The following PDE6C variants were observed in gnomAD, a reference collection of about 807,000 sequenced individuals.
The protein encoded by PDE6C is phosphodiesterase 6C.
A neutral mutation model predicts 113.1 loss-of-function variants in PDE6C; 75 were observed. The ratio of observed to expected loss-of-function variants is 0.66; its 90% CI spans 0.55 to 0.80. The LOEUF is 0.80. Among genes scored for constraint, PDE6C ranks in the 30% least tolerant of loss-of-function variants. The probability of loss-of-function intolerance (pLI) is 0.00; values close to 1 mark genes in which losing one functional copy is unlikely to be tolerated. For synonymous variants in PDE6C, 375 were observed against 363.7 expected, an observed-to-expected ratio of 1.03 and a Z score of -0.35; for missense variants, 912 against 1,038.6, an observed-to-expected ratio of 0.88 and a Z score of 1.67.
intron 20 of PDE6C, among the ~76,000 whole-genome samples, 178 bp from the exon 21 acceptor site, chr10:93,662,850 T>C (rs2058672312): frequency 6.6e-6 from 1 of 152,132 alleles, no homozygotes; most frequent in Non-Finnish European, 1.5e-5. Context: ...GAACACTTCC[T>C]TAGGCAGGCA....
chr10:93,620,165 T>C (rs2058438422), intron 1 of PDE6C, among the ~76,000 whole-genome samples: 1 of 152,150 alleles, frequency 6.6e-6, no homozygotes, highest in Non-Finnish European at 1.5e-5. Flanking sequence ...GGGGCAATGA[T>C]AATTTTTGCT....
intron 11 of PDE6C, among the ~76,000 whole-genome samples, chr10:93,639,413 C>T (rs190409904): frequency 1.5e-4 from 23 of 152,300 alleles, no homozygotes; most frequent in Admixed American, 1.0e-3. Flanking sequence ...GTCTACTTGG[C>T]TATTTTTTCA....
intron 10 of PDE6C, among the ~76,000 whole-genome samples, chr10:93,636,037 T>C (rs1300861793): frequency 6.6e-6 from 1 of 152,208 alleles, no homozygotes; most frequent in Non-Finnish European, 1.5e-5. Flanking sequence ...AGGCTTTGAT[T>C]GACAGTGGCT....
intron 4 of PDE6C, among the ~76,000 whole-genome samples, chr10:93,623,523 A>G (rs1199764486): frequency 6.6e-6 from 1 of 152,136 alleles, no homozygotes; most frequent in Non-Finnish European, 1.5e-5. Context: ...TGCTGTATCT[A>G]TGAAGCCTCA....
At chr10:93,658,800 A>G (rs2058652705) in intron 16 of PDE6C, 101 bp from the exon 17 acceptor site, 4 of 752,880 alleles carry the variant, frequency 5.3e-6, no homozygotes, top group Non-Finnish European at 9.4e-6. Flanking sequence ...TGGACATCAC[A>G]ATGCAAAGTG....
chr10:93,630,918 G>C (rs1589696476), intron 8 of PDE6C, among the ~76,000 whole-genome samples: 1 of 152,300 alleles, frequency 6.6e-6, no homozygotes, highest in East Asian at 1.9e-4. Flanking sequence ...GCCCAGGCCT[G>C]ACCCCTATAT....
intron 3 of PDE6C, 143 bp from the exon 4 acceptor site, chr10:93,621,789 A>T: frequency 1.3e-6 from 1 of 743,134 alleles, no homozygotes; most frequent in Non-Finnish European, 2.3e-6. Context: ...TGTTGGATGT[A>T]CACATGTTCA....
chr10:93,618,437 A>G (rs1031865929), intron 1 of PDE6C, among the ~76,000 whole-genome samples: 3 of 152,154 alleles, frequency 2.0e-5, no homozygotes, highest in Non-Finnish European at 4.4e-5. Context: ...CAGCTAGTAC[A>G]CTGGGGCCCA....
intron 21 of PDE6C, among the ~76,000 whole-genome samples, chr10:93,664,408 G>A (rs1421641753): frequency 6.6e-6 from 1 of 152,202 alleles, no homozygotes; most frequent in Non-Finnish European, 1.5e-5. Flanking sequence ...GGAGTCTAGA[G>A]AGTAAAGAGT....
At chr10:93,623,933 T>C (rs970757037) in intron 4 of PDE6C, among the ~76,000 whole-genome samples, 1 of 152,120 alleles carries the variant, frequency 6.6e-6, no homozygotes, top group Admixed American at 6.5e-5. Context: ...ACCTACCTGA[T>C]TCTTGGCTTC....
intron 14 of PDE6C, among the ~76,000 whole-genome samples, chr10:93,644,597 G>A (rs1375195857): frequency 6.6e-6 from 1 of 151,452 alleles, no homozygotes; most frequent in East Asian, 1.9e-4. Context: ...AAATAACAAT[G>A]GATTGTTGTT....
intron 15 of PDE6C, 47 bp downstream of exon 15, chr10:93,646,094 A>C: frequency 9.3e-7 from 1 of 1,080,174 alleles, no homozygotes; most frequent in Non-Finnish European, 1.4e-6. Context: ...TTCTGGATCA[A>C]AGCACTAACC....
At position 93,662,124 on chromosome 10, in the gene PDE6C, A is replaced by G. The variant is rs747590941; in HGVS notation, c.2274A>G (p.Gln758=). 16 of 1,601,124 alleles carry G rather than the reference A, an allele frequency of 1.0e-5. No individual in the cohort carries two copies. Among genetic ancestry groups the G allele is most frequent in the East Asian group, 4.5e-5 (2 of 44,802 alleles). ...ATCTGGAGAGAACAGTGTTGCAGCA[A>G]CAACCCATTGTAAGACCTTGACATA... is the stretch of plus-strand genomic sequence containing the variant. ...QGDLERTVLQ[Q]QPIPMMDRNK... The change falls in exon 19 of 22, where the codon CAA becomes CAG. Residue 758 remains glutamine (Q), a synonymous_variant. Coordinates refer to ENST00000371447, the MANE Select transcript of PDE6C (RefSeq NM_006204.4).
chr10:93,631,831 C>G (rs958028457), intron 8 of PDE6C, among the ~76,000 whole-genome samples: 1 of 152,246 alleles, frequency 6.6e-6, no homozygotes, highest in African/African-American at 2.4e-5. Flanking sequence ...GGCAGTGGTT[C>G]TCACACTATG....
intron 10 of PDE6C, 103 bp downstream of exon 10, chr10:93,635,743 C>T (rs1026763336): frequency 2.4e-6 from 3 of 1,236,094 alleles, no homozygotes; most frequent in African/African-American, 1.5e-5. Context: ...ATGGTTTACT[C>T]CTGGGCTGAG....
chr10:93,620,480 T>G (rs1589692954), intron 1 of PDE6C, 152 bp from the exon 2 acceptor site: 2 of 757,092 alleles, frequency 2.6e-6, no homozygotes, highest in Non-Finnish European at 2.3e-6. Context: ...GGATGGCAGG[T>G]GGAGTGGGAT....
Position 93,665,429 on chromosome 10 carries a change from C to T in PDE6C, c.*11C>T, listed in dbSNP as rs755588886. ...TGTTTAATGTTGTAATATTATCTAA[C>T]TGGTCTAAACTTCAAATATCATTTT... On this transcript the variant is annotated 3_prime_UTR_variant, in exon 22 of 22. Transcript: ENST00000371447. 2.0e-6 allele frequency: 3 copies of T among 1,505,950 alleles called. No individual in the cohort carries two copies. Among genetic ancestry groups the T allele is most frequent in the Non-Finnish European group, 2.8e-6 (3 of 1,081,680 alleles). 93.3% of individuals were successfully genotyped at this position (1,505,950 alleles called of 1,614,324 possible).
rs2058400430 is a variant in PDE6C at position 93,613,113 on chromosome 10, C to A, written c.388C>A (p.Pro130Thr). The stretch of plus-strand genomic sequence containing the variant: ...CAAGTTTGAGGACAACCTGGTGGGC[C>A]CTGACAAAGAAGTTGTGTTTCCATT... The part of the protein sequence containing the change: ...TSKFEDNLVG[P>T]DKEVVFPLDI... The change falls in exon 1 of 22, where the codon CCT becomes ACT. Residue 130 changes from proline (P) to threonine (T), a missense_variant. Pro to Thr is a conservative substitution (Grantham distance 38). Transcript: ENST00000371447. The A allele has an allele frequency of 6.2e-7, 1 of 1,614,004 alleles. No homozygotes were observed. The highest frequency in any genetic ancestry group is 1.3e-5 in the African/African-American group (1 of 74,912).
At chr10:93,656,379 C>A (rs981533573) in intron 16 of PDE6C, among the ~76,000 whole-genome samples, 4 of 152,124 alleles carry the variant, frequency 2.6e-5, no homozygotes, top group African/African-American at 9.7e-5. Flanking sequence ...CTATTTACAA[C>A]AGTAATATTG....
Sources: gnomAD v4.1 joint callset for allele counts (sites outside exome capture counted in the v4.1 genomes callset) on GRCh38, gnomAD v4.1.1 for gene constraint, MANE v1.5 for transcripts, NCBI Gene and HGNC (gene_info 2026-07-23, HGNC 2026-07-21) for gene names.